Variants in TDRD9 observed in about 807,000 individuals in gnomAD.
The protein encoded by TDRD9 is tudor domain containing 9, also known as ATP-dependent RNA helicase TDRD9.
In TDRD9, 124 loss-of-function variants were observed where a neutral mutation model predicts 172.6. That is an observed-to-expected ratio of 0.72 (90% confidence interval 0.62 to 0.83). TDRD9 has a LOEUF of 0.83. Ranked by LOEUF, TDRD9 falls within the 40% of genes least tolerant of loss-of-function variation. The pLI is 0.00. For synonymous variants in TDRD9, 619 were observed against 617.1 expected (o/e 1.00, Z -0.05); for missense variants, 1,479 against 1,714.1 (o/e 0.86, Z 2.42).
In TDRD9 at chr14:103,971,044, C is replaced by T. The variant is rs186620718; in HGVS notation, c.846+423C>T. Among the ~76,000 whole-genome samples the T allele has an allele frequency of 1.4e-4, 21 of 150,328 alleles. No individual in the cohort carries two copies. The East Asian group carries it at 3.0e-3, about 21-fold the overall frequency. Reference sequence around the variant, plus strand: ...TGTCGCCCAGGCTGGAGTGCAGTGGCGTGATCTCGGCTCACTGCAAGCTCC... The same window carrying T: ...TGTCGCCCAGGCTGGAGTGCAGTGGTGTGATCTCGGCTCACTGCAAGCTCC... On this transcript the variant is annotated intron_variant, in intron 6 of 35. Transcript: ENST00000409874.
chr14:104,002,317 CAAAAAAAAAAAA>C (rs200021451), intron 13 of TDRD9, among the ~76,000 whole-genome samples: 56,530 of 129,116 alleles, frequency 0.44, 11,040 homozygotes, highest in African/African-American at 0.49. Context: ...GATGCTGTTT[CAAAAAAAAAAAA>C]AAAAAAAAGA....
intron 20 of TDRD9, among the ~76,000 whole-genome samples, chr14:104,011,984 A>G (rs2034627395): frequency 6.6e-6 from 1 of 152,186 alleles, no homozygotes; most frequent in Non-Finnish European, 1.5e-5. Flanking sequence ...CTTTCCCAGT[A>G]GAGTCTTATG....
At chr14:104,009,947 CT>C (rs553694826) in intron 20 of TDRD9, among the ~76,000 whole-genome samples, 248 of 135,152 alleles carry the variant, frequency 1.8e-3, no homozygotes, top group Middle Eastern at 7.6e-3. Context: ...TTCTTTCTTT[CT>C]TTTTTTTTTT....
intron 9 of TDRD9, among the ~76,000 whole-genome samples, chr14:103,992,082 T>C (rs2033890738): frequency 2.0e-5 from 3 of 152,348 alleles, no homozygotes; most frequent in East Asian, 1.9e-4. Flanking sequence ...CACACTGTTA[T>C]TATAACACCG....
rs2030147043 is a variant in TDRD9 at position 103,928,738 on chromosome 14, G to A, written c.215+14G>A. 3 of 1,077,180 alleles carry A rather than the reference G, an allele frequency of 2.8e-6. No homozygotes were observed. Among genetic ancestry groups the A allele is most frequent in the Non-Finnish European group, 3.5e-6 (3 of 862,506 alleles). 66.7% of individuals were successfully genotyped at this position (1,077,180 alleles called of 1,614,324 possible). A position where few individuals can be genotyped will look rare whatever the true frequency, so the allele number is the denominator to read the frequency against. ...TGCGTTCGAAAGGTAGGACGCGGGC[G>A]GGGCGGAGGCGGCTGGAGGGCGGCC... is the stretch of plus-strand genomic sequence containing the variant. On this transcript the variant is annotated intron_variant, in intron 1 of 35. Transcript: ENST00000409874.
At chr14:103,940,779 A>G in intron 1 of TDRD9, 3 of 1,491,078 alleles carry the variant, frequency 2.0e-6, no homozygotes, top group South Asian at 1.2e-5. Context: ...TAAGGTGTTC[A>G]TAAAAACCCC....
intron 2 of TDRD9, among the ~76,000 whole-genome samples, chr14:103,957,114 T>C (rs761103429): frequency 1.3e-5 from 2 of 152,226 alleles, no homozygotes; most frequent in African/African-American, 4.8e-5. Context: ...ACTATACCAA[T>C]TAGTACCTTT....
chr14:103,954,595 G>A (rs1017730522), intron 1 of TDRD9, among the ~76,000 whole-genome samples: 3 of 152,176 alleles, frequency 2.0e-5, no homozygotes, highest in East Asian at 1.9e-4. Flanking sequence ...TGTAGGAGAC[G>A]TGTGTTTTAA....
intron 7 of TDRD9, among the ~76,000 whole-genome samples, chr14:103,979,368 T>C (rs2033379158): frequency 6.6e-6 from 1 of 152,232 alleles, no homozygotes; most frequent in South Asian, 2.1e-4. Context: ...GTCTGGGTAA[T>C]TTATAAAAGA....
At chr14:104,004,214 T>C in intron 13 of TDRD9, 24 bp from the exon 14 acceptor site, 1 of 1,276,978 alleles carries the variant, frequency 7.8e-7, no homozygotes, top group Non-Finnish European at 1.1e-6. Flanking sequence ...TGCCAAACAC[T>C]GTTTGCACAT....
At chr14:104,025,942 G>A in intron 26 of TDRD9, 105 bp from the exon 27 acceptor site, 1 of 991,780 alleles carries the variant, frequency 1.0e-6, no homozygotes, top group Non-Finnish European at 1.5e-6. Context: ...GTCACTCCAA[G>A]AATTCTATAA....
intron 1 of TDRD9, among the ~76,000 whole-genome samples, chr14:103,930,407 A>T (rs2030304032): frequency 6.6e-6 from 1 of 151,984 alleles, no homozygotes; most frequent in African/African-American, 2.4e-5. Context: ...GGTCGGTCTG[A>T]CCTTGTGGTC....
intron 15 of TDRD9, 64 bp from the exon 16 acceptor site, chr14:104,006,325 C>T (rs891233949): frequency 7.1e-7 from 1 of 1,415,764 alleles, no homozygotes. Flanking sequence ...GGACTCTCCA[C>T]CTTAAGGGGA....
At chr14:103,928,802 C>G (rs1374623405) in intron 1 of TDRD9, 78 bp downstream of exon 1, 3 of 433,512 alleles carry the variant, frequency 6.9e-6, no homozygotes, top group Non-Finnish European at 1.1e-5. Flanking sequence ...CCATCCAGAT[C>G]CTTCTCGCGA....
chr14:103,944,719 C>T (rs1179302067), intron 1 of TDRD9, among the ~76,000 whole-genome samples: 1 of 152,048 alleles, frequency 6.6e-6, no homozygotes, highest in Non-Finnish European at 1.5e-5. Flanking sequence ...GCGTGCACCA[C>T]CACACTCAGC....
At chr14:103,970,073 A>G (rs1595929010) in intron 5 of TDRD9, among the ~76,000 whole-genome samples, 3 of 152,146 alleles carry the variant, frequency 2.0e-5, no homozygotes, top group South Asian at 2.1e-4. Flanking sequence ...TAGGGGTCAC[A>G]TGGCTCCCGG....
intron 7 of TDRD9, among the ~76,000 whole-genome samples, chr14:103,978,264 T>C (rs1304089718): frequency 6.6e-6 from 1 of 152,116 alleles, no homozygotes; most frequent in Non-Finnish European, 1.5e-5. Flanking sequence ...TTGGGTAGTA[T>C]AGTCATTTTA....
chr14:103,976,687 A>G (rs903476931), intron 7 of TDRD9, among the ~76,000 whole-genome samples: 18 of 152,156 alleles, frequency 1.2e-4, no homozygotes, highest in African/African-American at 3.6e-4. Flanking sequence ...TTGGAAATAT[A>G]CCCAGTAGTA....
chr14:103,994,491 T>G (rs2033985306), intron 10 of TDRD9, 28 bp from the exon 11 acceptor site: 1 of 1,609,914 alleles, frequency 6.2e-7, no homozygotes, highest in South Asian at 1.1e-5. Flanking sequence ...CTATTCTTTA[T>G]GGAGATTTTA....
Sources: allele counts gnomAD v4.1 joint callset (sites outside exome capture counted in the v4.1 genomes callset), GRCh38; gene constraint gnomAD v4.1.1; transcripts MANE v1.5; gene names NCBI Gene and HGNC (gene_info 2026-07-23, HGNC 2026-07-21).